ANTXR1: variants seen among roughly 807,000 people sequenced by gnomAD.
ANTXR1 encodes anthrax toxin receptor 1.
A neutral mutation model predicts 78.1 loss-of-function variants in ANTXR1; 19 were observed. The observed-to-expected ratio is 0.24, with a 90% CI of 0.17 to 0.36. The LOEUF is 0.36. ANTXR1 is among the 10% of genes least tolerant of loss of function. The pLI is 1.00. For synonymous variants in ANTXR1, 273 were observed against 260.5 expected (o/e 1.05, Z -0.46); for missense variants, 518 against 718.6 (o/e 0.72, Z 3.19).
chr2:69,187,744 C>T (rs1674455629), intron 16 of ANTXR1, among the ~76,000 whole-genome samples: 1 of 151,702 alleles, frequency 6.6e-6, no homozygotes, highest in East Asian at 1.9e-4. Flanking sequence ...GGTGCCACCA[C>T]ATCCAGCTAA....
chr2:69,030,531 C>T (rs914724994), intron 1 of ANTXR1, among the ~76,000 whole-genome samples: 11 of 152,150 alleles, frequency 7.2e-5, no homozygotes, highest in African/African-American at 2.7e-4. Flanking sequence ...AGGAATGCAA[C>T]AGGGCTTCAA....
intron 10 of ANTXR1, among the ~76,000 whole-genome samples, chr2:69,118,006 G>C (rs1387536800): frequency 6.6e-6 from 1 of 152,192 alleles, no homozygotes; most frequent in Non-Finnish European, 1.5e-5. Flanking sequence ...TATCAAGCTT[G>C]TCAGACTCCT....
At chr2:69,061,138 G>T (rs192736615) in intron 3 of ANTXR1, among the ~76,000 whole-genome samples, 1 of 152,216 alleles carries the variant, frequency 6.6e-6, no homozygotes, top group East Asian at 1.9e-4. Context: ...GGCAAGGAAG[G>T]GTTAGAGAGT....
At chr2:69,083,996 C>T (rs76623984) in intron 8 of ANTXR1, among the ~76,000 whole-genome samples, 9,251 of 152,198 alleles carry the variant, frequency 0.061, 938 homozygotes, top group African/African-American at 0.21. Flanking sequence ...TTAAAAAGTC[C>T]AAATTGAACA....
chr2:69,068,330 T>A (rs918653258), intron 3 of ANTXR1, among the ~76,000 whole-genome samples: 5 of 152,200 alleles, frequency 3.3e-5, no homozygotes, highest in African/African-American at 1.2e-4. Context: ...TCTTAAGTGC[T>A]ATAAAGCAAA....
chr2:69,123,523 C>T lies in ANTXR1; in HGVS notation c.872+437C>T, dbSNP rs747386028. On this transcript the variant is annotated intron_variant, in intron 11 of 17. Coordinates refer to ENST00000303714, the MANE Select transcript of ANTXR1 (RefSeq NM_032208.3). ...TATCTCCTCCTTAGAGAAAGGGAGG[C>T]TCAGAAAGGCCAAGTAGGGCCATGG... is the stretch of plus-strand genomic sequence containing the variant. Among the ~76,000 whole-genome samples the T allele has an allele frequency of 7.2e-5, 11 of 152,318 alleles. 1 individual carries two copies. Among genetic ancestry groups the T allele is most frequent in the Admixed American group, 7.2e-4 (11 of 15,304 alleles).
chr2:69,115,873 G>A (rs1672127779), intron 10 of ANTXR1, among the ~76,000 whole-genome samples: 1 of 152,180 alleles, frequency 6.6e-6, no homozygotes, highest in Admixed American at 6.5e-5. Context: ...AAGGATGGTG[G>A]CCAGCTTGGT....
At chr2:69,103,097 G>A in intron 10 of ANTXR1, 157 bp downstream of exon 10, 2 of 803,678 alleles carry the variant, frequency 2.5e-6, no homozygotes, top group South Asian at 2.8e-5. Flanking sequence ...AGCCCTTACA[G>A]TGGTTCCAGT....
intron 3 of ANTXR1, among the ~76,000 whole-genome samples, chr2:69,055,340 G>T (rs566545793): frequency 6.6e-6 from 1 of 152,238 alleles, no homozygotes; most frequent in African/African-American, 2.4e-5. Flanking sequence ...GAAAATTATT[G>T]TTTCTTTTGT....
intron 3 of ANTXR1, among the ~76,000 whole-genome samples, chr2:69,065,661 C>G (rs893538666): frequency 6.6e-6 from 1 of 152,158 alleles, no homozygotes; most frequent in African/African-American, 2.4e-5. Flanking sequence ...AGCTTTGGTT[C>G]AGCATGCATC....
chr2:69,174,419 C>T (rs952183435), intron 14 of ANTXR1, among the ~76,000 whole-genome samples: 2 of 152,048 alleles, frequency 1.3e-5, no homozygotes, highest in Non-Finnish European at 2.9e-5. Context: ...GGGCAGAGTA[C>T]TTGAGACCAG....
At chr2:69,070,142 C>A (rs1670524361) in intron 3 of ANTXR1, among the ~76,000 whole-genome samples, 1 of 152,168 alleles carries the variant, frequency 6.6e-6, no homozygotes, top group African/African-American at 2.4e-5. Context: ...TCTTGGCTGT[C>A]CTGGAAAGCG....
At chr2:69,130,132 T>A (rs1573914824) in intron 12 of ANTXR1, among the ~76,000 whole-genome samples, 1 of 152,314 alleles carries the variant, frequency 6.6e-6, no homozygotes, top group East Asian at 1.9e-4. Context: ...ACACCCTTGA[T>A]CTTGAACACC....
rs112164099 is a variant in ANTXR1 at position 69,170,805 on chromosome 2, T to C, written c.1089+516T>C. Among the ~76,000 whole-genome samples the C allele has an allele frequency of 4.9e-3, 750 of 152,316 alleles. 6 individuals are homozygous for C. Among genetic ancestry groups the C allele is most frequent in the African/African-American group, 0.017 (723 of 41,566 alleles). ...AATGAAAATACGCTGGAGAGGGATA[T>C]GTTAATATCCTGGCCTTCCTCTCAA... On this transcript the variant is annotated intron_variant, in intron 14 of 17. Coordinates refer to ENST00000303714, the MANE Select transcript of ANTXR1 (RefSeq NM_032208.3).
intron 17 of ANTXR1, among the ~76,000 whole-genome samples, chr2:69,213,701 C>T (rs959548171): frequency 1.3e-5 from 2 of 152,246 alleles, no homozygotes; most frequent in African/African-American, 4.8e-5. Flanking sequence ...CTCTAACACA[C>T]TGTTAAATGC....
At chr2:69,231,386 G>A (rs369181610) in intron 17 of ANTXR1, among the ~76,000 whole-genome samples, 1 of 151,546 alleles carries the variant, frequency 6.6e-6, no homozygotes, top group Non-Finnish European at 1.5e-5. Context: ...GCACAGATCG[G>A]GATCCTTCGC....
chr2:69,184,625 T>G (rs1483703356), intron 16 of ANTXR1, among the ~76,000 whole-genome samples: 1 of 152,230 alleles, frequency 6.6e-6, no homozygotes, highest in African/African-American at 2.4e-5. Flanking sequence ...AACTCCGGTT[T>G]CTACTTGAGA....
At chr2:69,234,634 A>C (rs1008736678) in intron 17 of ANTXR1, among the ~76,000 whole-genome samples, 2 of 151,858 alleles carry the variant, frequency 1.3e-5, no homozygotes, top group Admixed American at 6.6e-5. Flanking sequence ...CAGGTGGTGC[A>C]CTCCTGTAAT....
At chr2:69,109,454 A>G (rs990744519) in intron 10 of ANTXR1, among the ~76,000 whole-genome samples, 9 of 152,250 alleles carry the variant, frequency 5.9e-5, no homozygotes, top group African/African-American at 1.9e-4. Context: ...CGATTTTAAG[A>G]TTTATAAAAA....
Sources: gnomAD v4.1 joint callset for allele counts (sites outside exome capture counted in the v4.1 genomes callset) on GRCh38, gnomAD v4.1.1 for gene constraint, MANE v1.5 for transcripts, NCBI Gene and HGNC (gene_info 2026-07-23, HGNC 2026-07-21) for gene names.